The following PDE9A variants were observed in gnomAD, a reference collection of about 807,000 sequenced individuals.
PDE9A encodes the protein high affinity cGMP-specific 3',5'-cyclic phosphodiesterase 9A.
PDE9A carries 60 observed loss-of-function variants against 87.4 expected under a neutral mutation model. The observed-to-expected ratio is 0.69, with a 90% CI of 0.56 to 0.85. The LOEUF (loss-of-function observed/expected upper bound fraction) is 0.85. PDE9A is among the 40% of genes least tolerant of loss of function. The probability of loss-of-function intolerance (pLI) is 0.00; values close to 1 mark genes in which losing one functional copy is unlikely to be tolerated. For synonymous variants in PDE9A, 272 were observed against 279.4 expected (o/e 0.97, Z 0.27); for missense variants, 665 against 779.0 (o/e 0.85, Z 1.74).
At chr21:42,683,002 C>G (rs757294610) in intron 1 of PDE9A, among the ~76,000 whole-genome samples, 3 of 152,214 alleles carry the variant, frequency 2.0e-5, no homozygotes, top group Non-Finnish European at 4.4e-5. Context: ...AAGAATTACT[C>G]ATTTCAGTTT....
In PDE9A at chr21:42,659,774, G is replaced by A. The variant is rs186988347; in HGVS notation, c.69+5891G>A. 2.3e-3 allele frequency among the ~76,000 whole-genome samples: 350 copies of A among 152,290 alleles called. No individual in the cohort carries two copies. Among genetic ancestry groups the A allele is most frequent in the African/African-American group, 7.5e-3 (312 of 41,556 alleles). On this transcript the variant is annotated intron_variant, in intron 1 of 19. Transcript: ENST00000291539. This position sits in a 1 kb window ranked among gnomAD's most constrained non-coding sequence, Gnocchi z 4.1. Reference sequence around the variant, plus strand: ...CCCAGGTCCCACAGCCCGCACCTTCGTCTTCCAGCCAGCCTCTCCGGAGCT... The same window carrying A: ...CCCAGGTCCCACAGCCCGCACCTTCATCTTCCAGCCAGCCTCTCCGGAGCT...
At chr21:42,671,650 G>A (rs1266600288) in intron 1 of PDE9A, among the ~76,000 whole-genome samples, 2 of 152,188 alleles carry the variant, frequency 1.3e-5, no homozygotes, top group Non-Finnish European at 2.9e-5. Flanking sequence ...ACAGATGATT[G>A]ATATAGATTG....
intron 15 of PDE9A, among the ~76,000 whole-genome samples, chr21:42,766,358 T>G (rs2056399722): frequency 6.6e-6 from 1 of 151,918 alleles, no homozygotes; most frequent in Non-Finnish European, 1.5e-5. Flanking sequence ...GCATGAGAAC[T>G]GCCCTCCCGG....
At position 42,760,253 on chromosome 21, in the gene PDE9A, G is replaced by C; in HGVS notation, c.898-75G>C. The C allele has an allele frequency of 1.2e-6, 1 of 833,106 alleles. No individual in the cohort carries two copies. The highest frequency in any genetic ancestry group is 1.4e-5 in the South Asian group (1 of 73,674). The allele number at this position is 833,106 out of a possible 1,614,324, so 51.6% of individuals were successfully genotyped here. Reference sequence around the variant, plus strand: ...CAGAGAATGTTCAAACCAGCGCACAGCCTTCTGGGTGGCTTTGGGAGGAGA... The same window carrying C: ...CAGAGAATGTTCAAACCAGCGCACACCCTTCTGGGTGGCTTTGGGAGGAGA... On this transcript the variant is annotated intron_variant, in intron 11 of 19. Transcript: ENST00000291539. The surrounding 1 kb of genome is among the most constrained non-coding windows in gnomAD (Gnocchi z 5.2).
chr21:42,774,097 TA>T (rs2057307066), intron 19 of PDE9A, among the ~76,000 whole-genome samples: 2 of 151,014 alleles, frequency 1.3e-5, no homozygotes, highest in South Asian at 4.2e-4. Flanking sequence ...TATAAATAAA[TA>T]AGTAAATAAT....
intron 4 of PDE9A, among the ~76,000 whole-genome samples, chr21:42,731,344 G>C (rs532773537): frequency 3.4e-4 from 52 of 152,334 alleles, no homozygotes; most frequent in Non-Finnish European, 6.6e-4. Context: ...GACTAAGCCT[G>C]GTGTGGGCTC....
At chr21:42,773,387 T>C (rs1190238832) in intron 19 of PDE9A, among the ~76,000 whole-genome samples, 12 of 152,116 alleles carry the variant, frequency 7.9e-5, no homozygotes, top group Admixed American at 7.9e-4. Flanking sequence ...GCAATTGAAG[T>C]ACTGAAAACT....
At chr21:42,700,520 G>T (rs1469908007) in intron 4 of PDE9A, among the ~76,000 whole-genome samples, 2 of 152,166 alleles carry the variant, frequency 1.3e-5, no homozygotes, top group African/African-American at 4.8e-5. Context: ...CAGCCTGGGT[G>T]TGGTGGGTTT....
chr21:42,720,525 C>T (rs4920140), intron 4 of PDE9A, among the ~76,000 whole-genome samples: 97,827 of 152,024 alleles, frequency 0.64, 32,037 homozygotes, highest in East Asian at 0.94. Context: ...CACCCCACTA[C>T]GGGCAAGAAG....
At position 42,765,492 on chromosome 21, in the gene PDE9A, C is replaced by T. The variant is rs1218955316; in HGVS notation, c.1354C>T (p.Leu452=). The change falls in exon 15 of 20, where the codon CTG becomes TTG. Residue 452 remains leucine (L), a splice_region_variant and synonymous_variant. Coordinates refer to ENST00000291539, the MANE Select transcript of PDE9A (RefSeq NM_002606.3). The part of the protein sequence containing the change: ...FDYSNEEHMT[L]LKMILIKCCD... ...CTACAGCAACGAGGAGCACATGACC[C>T]TGGTGAGTGGCTTATTCTGCCTGGG... is the stretch of plus-strand genomic sequence containing the variant. The T allele has an allele frequency of 1.9e-6, 3 of 1,575,306 alleles. No individual in the cohort carries two copies. In the Admixed American group the frequency reaches 5.0e-5, roughly 26 times the overall value.
chr21:42,773,919 A>G (rs939995082), intron 19 of PDE9A, among the ~76,000 whole-genome samples: 9 of 150,858 alleles, frequency 6.0e-5, no homozygotes, highest in African/African-American at 1.5e-4. Context: ...CCTGGCTAAC[A>G]CGGTGAAACC....
chr21:42,697,209 A>G (rs2060189851), intron 3 of PDE9A, among the ~76,000 whole-genome samples: 1 of 151,716 alleles, frequency 6.6e-6, no homozygotes, highest in African/African-American at 2.4e-5. Flanking sequence ...CGAGAACCTC[A>G]GCCTCACCGC....
At chr21:42,656,344 G>T (rs1025372661) in intron 1 of PDE9A, among the ~76,000 whole-genome samples, 1 of 152,242 alleles carries the variant, frequency 6.6e-6, no homozygotes, top group African/African-American at 2.4e-5. Context: ...TGTCCCTCTG[G>T]TTACCTGACC....
chr21:42,743,882 C>T (rs1370255218), intron 8 of PDE9A, 22 bp downstream of exon 8: 7 of 1,450,668 alleles, frequency 4.8e-6, no homozygotes, highest in Admixed American at 1.9e-5. Context: ...GCTGGGGCCA[C>T]GGGCGGCCGG....
intron 4 of PDE9A, among the ~76,000 whole-genome samples, chr21:42,720,176 T>C (rs1159769891): frequency 1.3e-5 from 2 of 152,158 alleles, no homozygotes; most frequent in African/African-American, 4.8e-5. Flanking sequence ...CGTTCGGTTA[T>C]TCGTACCCAC....
chr21:42,693,277 C>A (rs1444120922), intron 3 of PDE9A, among the ~76,000 whole-genome samples: 1 of 151,344 alleles, frequency 6.6e-6, no homozygotes, highest in Non-Finnish European at 1.5e-5. Context: ...ACCCTGGCTG[C>A]AGATTGCAAC....
rs1190336142 is a variant in PDE9A, at chr21:42,772,449, A to T, written c.1697A>T (p.Lys566Met). The T allele has an allele frequency of 1.2e-6, 2 of 1,609,172 alleles. No homozygotes were observed. Among genetic ancestry groups the T allele is most frequent in the Non-Finnish European group, 1.7e-6 (2 of 1,177,816 alleles). The stretch of plus-strand genomic sequence containing the variant: ...TGTACTCTGTTCCAGTTACAGAAGA[A>T]GACTGACAGCTTGACGTCTGGGGCC... ...IDDAMKELQK[K>M]TDSLTSGATE... The change falls in exon 19 of 20, where the codon AAG becomes ATG. Residue 566 changes from lysine (K) to methionine (M), a missense_variant. Transcript: ENST00000291539.
intron 8 of PDE9A, among the ~76,000 whole-genome samples, chr21:42,746,822 C>T (rs946352059): frequency 3.3e-5 from 5 of 152,194 alleles, no homozygotes; most frequent in Non-Finnish European, 7.3e-5. Flanking sequence ...GTAACGGAGG[C>T]GCATCCGCAC....
At position 42,714,489 on chromosome 21, in the gene PDE9A, G is replaced by A. The variant is rs7279466; in HGVS notation, c.262+15478G>A. On this transcript the variant is annotated intron_variant, in intron 4 of 19. Transcript: ENST00000291539. ...TGGCTCTACCAGTCTTTGTTCATAT[G>A]GTTGGGGTTAGCTCTACCAGTCTTT... 8.1e-3 allele frequency among the ~76,000 whole-genome samples: 1,224 copies of A among 151,974 alleles called. 7 individuals carry two copies. The highest frequency in any genetic ancestry group is 0.028 in the African/African-American group (1,176 of 41,350).
Sources: allele counts gnomAD v4.1 joint callset (sites outside exome capture counted in the v4.1 genomes callset), GRCh38; gene constraint gnomAD v4.1.1; non-coding constraint Gnocchi (gnomAD v3.1); transcripts MANE v1.5; gene names NCBI Gene and HGNC (gene_info 2026-07-23, HGNC 2026-07-21).